Variants in NXN observed in about 807,000 individuals in gnomAD.
The protein encoded by NXN is nucleoredoxin 1.
Under a neutral mutation model 48.6 loss-of-function variants are expected in NXN, and 16 were observed. That is an observed-to-expected ratio of 0.33 (90% confidence interval 0.22 to 0.50). NXN has a LOEUF of 0.50. Ranked by LOEUF, NXN falls within the 20% of genes least tolerant of loss-of-function variation. NXN has a pLI of 0.98. For synonymous variants in NXN, 281 were observed against 269.6 expected (o/e 1.04, Z -0.41); for missense variants, 492 against 605.5 (o/e 0.81, Z 1.97).
At chr17:971,433 G>A (rs765818017) in intron 1 of NXN, among the ~76,000 whole-genome samples, 1 of 151,886 alleles carries the variant, frequency 6.6e-6, no homozygotes, top group Admixed American at 6.6e-5. Flanking sequence ...AAAACAGACC[G>A]AGCGCGGTGG....
intron 1 of NXN, among the ~76,000 whole-genome samples, chr17:886,680 A>C (rs888908195): frequency 2.6e-5 from 4 of 151,898 alleles, no homozygotes; most frequent in African/African-American, 9.7e-5. Flanking sequence ...CAGGAGACTG[A>C]GGCAGGAGAA....
intron 1 of NXN, among the ~76,000 whole-genome samples, chr17:848,483 C>T (rs60761170): frequency 0.038 from 5,746 of 152,234 alleles, 375 homozygotes; most frequent in African/African-American, 0.13. Flanking sequence ...TTAACACGAG[C>T]AGGATTTAAA....
At chr17:891,079 CCG>C (rs1246188437) in intron 1 of NXN, among the ~76,000 whole-genome samples, 5 of 121,752 alleles carry the variant, frequency 4.1e-5, no homozygotes, top group Non-Finnish European at 8.4e-5. Context: ...ATCCGTCTGT[CCG>C]TCCATCCGTC....
chr17:959,145 G>A lies in NXN; in HGVS notation c.360+20174C>T, dbSNP rs749650246. 1.1e-4 allele frequency: 58 copies of A among 533,446 alleles called. No individual in the cohort carries two copies. The Admixed American group carries it at 1.2e-3, about 11-fold the overall frequency. The allele number at this position is 533,446 out of a possible 1,614,324, so 33.0% of individuals were successfully genotyped here. A position where few individuals can be genotyped will look rare whatever the true frequency, so the allele number is the denominator to read the frequency against. On this transcript the variant is annotated intron_variant, in intron 1 of 7. Transcript: ENST00000336868. Reference sequence around the variant, plus strand: ...CTGCTGGGGCCCAGCAACAAGAGCCGAGCGCCCCTACGGAAGGCTGGAGAG... The same window carrying A: ...CTGCTGGGGCCCAGCAACAAGAGCCAAGCGCCCCTACGGAAGGCTGGAGAG...
chr17:829,521 G>A (rs1402736191), intron 1 of NXN, among the ~76,000 whole-genome samples: 2 of 151,110 alleles, frequency 1.3e-5, no homozygotes, highest in East Asian at 1.9e-4. Context: ...TGTTACGTAG[G>A]AATACATGTG....
chr17:872,784 C>T (rs376327772), intron 1 of NXN, among the ~76,000 whole-genome samples: 2 of 152,100 alleles, frequency 1.3e-5, no homozygotes, highest in African/African-American at 2.4e-5. Flanking sequence ...CCACGTCCAG[C>T]TAATTTTTGT....
intron 1 of NXN, among the ~76,000 whole-genome samples, chr17:949,717 T>G (rs1396198073): frequency 3.6e-5 from 5 of 139,410 alleles, no homozygotes; most frequent in African/African-American, 1.1e-4. Context: ...CTCTCCCTGC[T>G]GCCTCCTCCT....
At chr17:801,214 G>T in intron 7 of NXN, 83 bp from the exon 8 acceptor site, 1 of 1,155,756 alleles carries the variant, frequency 8.7e-7, no homozygotes, top group Non-Finnish European at 1.2e-6. Flanking sequence ...CTCCCCAGGT[G>T]TGGTAGCTCC....
chr17:809,464 G>A (rs527621887), intron 5 of NXN, among the ~76,000 whole-genome samples: 67 of 152,300 alleles, frequency 4.4e-4, no homozygotes, highest in Non-Finnish European at 8.7e-4. Flanking sequence ...AACGAGACAC[G>A]GAGTTTTGAA....
chr17:871,399 CTTT>C (rs11345310), intron 1 of NXN, among the ~76,000 whole-genome samples: 31 of 101,712 alleles, frequency 3.0e-4, no homozygotes, highest in East Asian at 2.6e-3. Context: ...TACGCATTCA[CTTT>C]TTTTTTTTTT....
chr17:803,120 G>GC (rs1911294951), intron 7 of NXN, among the ~76,000 whole-genome samples: 1 of 152,202 alleles, frequency 6.6e-6, no homozygotes, highest in Non-Finnish European at 1.5e-5. Context: ...TCTGCTGAAA[G>GC]CCCCACTTTC....
At chr17:960,585 G>T (rs549406402) in intron 1 of NXN, among the ~76,000 whole-genome samples, 1 of 145,422 alleles carries the variant, frequency 6.9e-6, no homozygotes, top group African/African-American at 2.5e-5. Context: ...CTCAAGCGAT[G>T]CTTCCACCTC....
intron 1 of NXN, among the ~76,000 whole-genome samples, chr17:896,294 C>A (rs966755330): frequency 6.7e-6 from 1 of 149,070 alleles, no homozygotes; most frequent in Non-Finnish European, 1.5e-5. Context: ...GAGCCGAGAT[C>A]GAGCCATTGC....
intron 1 of NXN, among the ~76,000 whole-genome samples, chr17:829,309 C>T (rs2144665375): frequency 6.6e-6 from 1 of 151,994 alleles, no homozygotes; most frequent in Admixed American, 6.6e-5. Flanking sequence ...GCATGCACCA[C>T]CTTGCCGGCT....
intron 1 of NXN, among the ~76,000 whole-genome samples, chr17:900,913 C>CTTTTTTTTTTTT (rs11367844): frequency 2.6e-5 from 2 of 75,880 alleles, no homozygotes; most frequent in Non-Finnish European, 5.0e-5. Flanking sequence ...GATCTGCATT[C>CTTTTTTTTTTTT]TTTTTTTTTT....
intron 1 of NXN, among the ~76,000 whole-genome samples, chr17:840,912 C>T (rs1209630049): frequency 1.3e-5 from 2 of 152,188 alleles, no homozygotes; most frequent in East Asian, 1.9e-4. Context: ...ACTGCCCCCA[C>T]AAGCCTTTCT....
chr17:889,761 A>AAGAAAGAAAGAGAAAG (rs1555619043), intron 1 of NXN, among the ~76,000 whole-genome samples: 30 of 70,828 alleles, frequency 4.2e-4, no homozygotes, highest in East Asian at 1.4e-3. Context: ...GAAAGAAAGA[A>AAGAAAGAAAGAGAAAG]AAAGAAAGAA....
At chr17:918,147 C>G (rs1054820127) in intron 1 of NXN, among the ~76,000 whole-genome samples, 3 of 152,154 alleles carry the variant, frequency 2.0e-5, no homozygotes, top group African/African-American at 7.2e-5. Flanking sequence ...CGAGAACACT[C>G]AATATCACCT....
intron 4 of NXN, among the ~76,000 whole-genome samples, chr17:821,137 G>C (rs1418207306): frequency 1.3e-5 from 1 of 75,558 alleles, no homozygotes. Context: ...AGGACTGCGG[G>C]CCAATAAGCC....
Sources: gnomAD v4.1 joint callset for allele counts (sites outside exome capture counted in the v4.1 genomes callset) on GRCh38, gnomAD v4.1.1 for gene constraint, MANE v1.5 for transcripts, NCBI Gene and HGNC (gene_info 2026-07-23, HGNC 2026-07-21) for gene names.